The following COL4A2 variants were observed in gnomAD, a reference collection of about 807,000 sequenced individuals.
COL4A2 encodes the protein collagen type IV alpha 2 chain.
Under a neutral mutation model 200.2 loss-of-function variants are expected in COL4A2, and 99 were observed. That is an observed-to-expected ratio of 0.49 (90% confidence interval 0.42 to 0.58). The LOEUF (loss-of-function observed/expected upper bound fraction) is 0.58, where lower values mean the gene tolerates loss of function less well. COL4A2 is among the 20% of genes least tolerant of loss of function. The probability of loss-of-function intolerance (pLI) is 0.00; values close to 1 mark genes in which losing one functional copy is unlikely to be tolerated. For synonymous variants in COL4A2, 897 were observed against 900.6 expected, an observed-to-expected ratio of 1.00 and a Z score of 0.07; for missense variants, 1,950 against 2,314.1, an observed-to-expected ratio of 0.84 and a Z score of 3.23.
rs146707470 is a variant in COL4A2, at chr13:110,328,077, G to A, written c.99+19954G>A. ...ACTCTGACTTTGCAGTAAACTGTAG[G>A]CAAGAAGGAGTCTTCAGTTAAATTA... On this transcript the variant is annotated intron_variant, in intron 3 of 47. Transcript: ENST00000360467. Among the ~76,000 whole-genome samples the A allele has an allele frequency of 3.9e-3, 596 of 152,252 alleles. 6 individuals are homozygous for A. Among genetic ancestry groups the A allele is most frequent in the African/African-American group, 0.013 (553 of 41,530 alleles).
chr13:110,403,477 C>T (rs912172695), intron 4 of COL4A2, among the ~76,000 whole-genome samples: 1 of 152,160 alleles, frequency 6.6e-6, no homozygotes, highest in Non-Finnish European at 1.5e-5. Context: ...GATGGCCTTC[C>T]CTTTAGTTTC....
chr13:110,477,926 A>T lies in COL4A2; in HGVS notation c.2426-77A>T, dbSNP rs1739836749. Reference sequence around the variant, plus strand: ...CATGAATTGCTCTTTTTACAGAATGAGTGTGTGGAGGGAGATGCTGTCTGT... The same window carrying T: ...CATGAATTGCTCTTTTTACAGAATGTGTGTGTGGAGGGAGATGCTGTCTGT... On this transcript the variant is annotated intron_variant, in intron 29 of 47. Coordinates refer to ENST00000360467, the MANE Select transcript of COL4A2 (RefSeq NM_001846.4). The T allele has an allele frequency of 2.3e-6, 3 of 1,288,910 alleles. No homozygotes were observed. In the Admixed American group the frequency reaches 8.8e-5, roughly 38 times the overall value. The allele number at this position is 1,288,910 out of a possible 1,614,324, so 79.8% of individuals were successfully genotyped here.
intron 3 of COL4A2, among the ~76,000 whole-genome samples, chr13:110,308,385 C>A (rs2139335166): frequency 6.6e-6 from 1 of 152,300 alleles, no homozygotes; most frequent in African/African-American, 2.4e-5. Flanking sequence ...TAAAATGTAG[C>A]CTGAGGCACC....
At chr13:110,425,599 A>T (rs987356864) in intron 6 of COL4A2, among the ~76,000 whole-genome samples, 3 of 152,176 alleles carry the variant, frequency 2.0e-5, no homozygotes, top group Non-Finnish European at 4.4e-5. Flanking sequence ...TCCTGGCCAG[A>T]CCTGACCTCA....
intron 12 of COL4A2, 167 bp from the exon 13 acceptor site, chr13:110,436,096 AACTTAC>A (rs1418727333): frequency 5.2e-6 from 5 of 956,244 alleles, no homozygotes; most frequent in Non-Finnish European, 8.2e-6. Context: ...GGATATAAAA[AACTTAC>A]ATTAGGATTA....
chr13:110,433,068 C>G (rs1197078876), intron 11 of COL4A2, among the ~76,000 whole-genome samples: 4 of 152,258 alleles, frequency 2.6e-5, no homozygotes, highest in African/African-American at 9.6e-5. Context: ...AGGAACGTTT[C>G]CTTTGCCCTG....
chr13:110,480,275 C>T lies in COL4A2; in HGVS notation c.2643C>T (p.Gly881=). 6.2e-7 allele frequency: 1 copy of T among 1,613,684 alleles called. No individual in the cohort carries two copies. The highest frequency in any genetic ancestry group is 1.1e-5 in the South Asian group (1 of 90,996). The change falls in exon 31 of 48, where the codon GGC becomes GGT. Residue 881 remains glycine (G), a synonymous_variant. Coordinates refer to ENST00000360467, the MANE Select transcript of COL4A2 (RefSeq NM_001846.4). The part of the protein sequence containing the change: ...PGDTGAPGPV[G]MKGLSGDRGD... ...ACACAGGCGCTCCTGGCCCTGTGGG[C>T]ATGAAAGGTCTCTCTGGTGACAGAG...
chr13:110,506,774 A>G (rs1035354893), intron 46 of COL4A2, among the ~76,000 whole-genome samples, 168 bp downstream of exon 46: 8 of 152,184 alleles, frequency 5.3e-5, no homozygotes, highest in African/African-American at 1.9e-4. Context: ...CGGCCTTTGA[A>G]GCAGAAGCCT....
chr13:110,313,588 G>A (rs1421264241), intron 3 of COL4A2, among the ~76,000 whole-genome samples: 2 of 10,030 alleles, frequency 2.0e-4, no homozygotes, highest in African/African-American at 6.5e-4. Flanking sequence ...GTGTCCACCC[G>A]GCAGGCTCCC....
chr13:110,440,665 C>T (rs1024265055), intron 16 of COL4A2, among the ~76,000 whole-genome samples: 4 of 152,130 alleles, frequency 2.6e-5, no homozygotes, highest in African/African-American at 9.7e-5. Flanking sequence ...GATTTAGAAC[C>T]GTCTGAACTC....
At chr13:110,359,076 C>T (rs1877409294) in intron 4 of COL4A2, among the ~76,000 whole-genome samples, 2 of 152,152 alleles carry the variant, frequency 1.3e-5, no homozygotes, top group Non-Finnish European at 2.9e-5. Context: ...AACTAGGGAG[C>T]ACTGGCAGTT....
intron 29 of COL4A2, among the ~76,000 whole-genome samples, chr13:110,475,633 C>T (rs938733039): frequency 6.6e-6 from 1 of 152,324 alleles, no homozygotes; most frequent in East Asian, 1.9e-4. Flanking sequence ...AATCCTGACT[C>T]CCAAAGCATC....
intron 29 of COL4A2, among the ~76,000 whole-genome samples, chr13:110,474,295 A>T (rs1882592883): frequency 6.6e-6 from 1 of 152,196 alleles, no homozygotes. Context: ...CCATCAGCCC[A>T]CATCAGGCAT....
At chr13:110,318,693 T>C (rs941585458) in intron 3 of COL4A2, among the ~76,000 whole-genome samples, 3 of 152,202 alleles carry the variant, frequency 2.0e-5, no homozygotes, top group Non-Finnish European at 2.9e-5. Flanking sequence ...TCTTACCTTA[T>C]GCACGTGCCC....
At chr13:110,363,441 C>T (rs1877601425) in intron 4 of COL4A2, among the ~76,000 whole-genome samples, 1 of 152,108 alleles carries the variant, frequency 6.6e-6, no homozygotes, top group Non-Finnish European at 1.5e-5. Flanking sequence ...CACTATAAAT[C>T]AAAGTAAAAG....
At chr13:110,384,042 G>T (rs1878592056) in intron 4 of COL4A2, among the ~76,000 whole-genome samples, 1 of 152,342 alleles carries the variant, frequency 6.6e-6, no homozygotes, top group South Asian at 2.1e-4. Flanking sequence ...GCATCTGCCA[G>T]ACTGCACAGA....
intron 40 of COL4A2, among the ~76,000 whole-genome samples, chr13:110,495,906 C>T (rs1883438750): frequency 2.6e-5 from 4 of 152,188 alleles, no homozygotes; most frequent in Admixed American, 2.6e-4. Context: ...GCTCACCAGC[C>T]AAGGTGGGCT....
intron 4 of COL4A2, among the ~76,000 whole-genome samples, chr13:110,402,707 C>T (rs575879327): frequency 6.6e-6 from 1 of 152,270 alleles, no homozygotes; most frequent in African/African-American, 2.4e-5. Context: ...GAGCCCTCAC[C>T]TTACGGAGTG....
At chr13:110,311,458 G>A (rs1196263550) in intron 3 of COL4A2, among the ~76,000 whole-genome samples, 1 of 152,216 alleles carries the variant, frequency 6.6e-6, no homozygotes, top group Non-Finnish European at 1.5e-5. Context: ...CAGCTGAGGG[G>A]CTGCCGCCTG....
Sources: allele counts gnomAD v4.1 joint callset (sites outside exome capture counted in the v4.1 genomes callset), GRCh38; gene constraint gnomAD v4.1.1; transcripts MANE v1.5; gene names NCBI Gene and HGNC (gene_info 2026-07-23, HGNC 2026-07-21).